The following PPM1L variants were observed in gnomAD, a reference collection of about 807,000 sequenced individuals.
PPM1L encodes the protein protein phosphatase, Mg2+/Mn2+ dependent 1L.
Under a neutral mutation model 31.4 loss-of-function variants are expected in PPM1L, and 13 were observed. The observed-to-expected ratio is 0.41, with a 90% CI of 0.27 to 0.66. The LOEUF is 0.66. Ranked by LOEUF, PPM1L falls within the 30% of genes least tolerant of loss-of-function variation. PPM1L has a pLI of 0.29. For synonymous variants in PPM1L, 184 were observed against 175.4 expected, an observed-to-expected ratio of 1.05 and a Z score of -0.39; for missense variants, 326 against 453.7, an observed-to-expected ratio of 0.72 and a Z score of 2.56.
intron 1 of PPM1L, among the ~76,000 whole-genome samples, chr3:160,904,359 A>G (rs375354545): frequency 3.2e-4 from 48 of 152,320 alleles, no homozygotes; most frequent in African/African-American, 1.1e-3. Flanking sequence ...ACTGTAAAAT[A>G]TTACTTAGTA....
chr3:160,885,135 C>T (rs1387558761), intron 1 of PPM1L, among the ~76,000 whole-genome samples: 1 of 152,180 alleles, frequency 6.6e-6, no homozygotes, highest in Non-Finnish European at 1.5e-5. Context: ...CTCCCTATCT[C>T]CACCCCTTCA....
At chr3:160,996,060 A>G (rs1323903663) in intron 2 of PPM1L, among the ~76,000 whole-genome samples, 1 of 152,216 alleles carries the variant, frequency 6.6e-6, no homozygotes, top group African/African-American at 2.4e-5. Context: ...AGTAGTGATC[A>G]GGGAAATGCA....
intron 2 of PPM1L, among the ~76,000 whole-genome samples, chr3:161,009,507 G>T (rs976940008): frequency 6.6e-6 from 1 of 152,130 alleles, no homozygotes; most frequent in Non-Finnish European, 1.5e-5. Flanking sequence ...AAGAATCCCA[G>T]TCATACTATA....
At chr3:160,988,775 T>C (rs1310678937) in intron 2 of PPM1L, among the ~76,000 whole-genome samples, 5 of 152,204 alleles carry the variant, frequency 3.3e-5, no homozygotes, top group Admixed American at 2.6e-4. Context: ...ACTTAAGCTC[T>C]GCTAACCTGC....
intron 1 of PPM1L, among the ~76,000 whole-genome samples, chr3:160,793,895 T>C (rs963657522): frequency 6.6e-6 from 1 of 152,180 alleles, no homozygotes; most frequent in African/African-American, 2.4e-5. Flanking sequence ...TGAATCCTGA[T>C]TGGTTGATAC....
At chr3:160,955,776 G>A (rs935101953) in intron 1 of PPM1L, among the ~76,000 whole-genome samples, 11 of 150,510 alleles carry the variant, frequency 7.3e-5, no homozygotes, top group Admixed American at 3.3e-4. Context: ...TCAGCCTCCC[G>A]AGTAGCTGGG....
In PPM1L at chr3:161,077,568, A is replaced by C. The variant is rs1166240192; in HGVS notation, c.*8411A>C. 5 of 152,242 alleles carry C rather than the reference A, an allele frequency of 3.3e-5. No individual in the cohort carries two copies. In the East Asian group the frequency reaches 5.8e-4, roughly 18 times the overall value. 9.4% of individuals were successfully genotyped at this position (152,242 alleles called of 1,614,324 possible). A position where few individuals can be genotyped will look rare whatever the true frequency, so the allele number is the denominator to read the frequency against. On this transcript the variant is annotated 3_prime_UTR_variant, in exon 4 of 4. Transcript: ENST00000498165. ...TTGTTCCCAAGAGACTAGTGTAATAACCTTATGCCCCCAAAGACAGCCCAG... is the reference window on the plus strand; with the variant it reads ...TTGTTCCCAAGAGACTAGTGTAATACCCTTATGCCCCCAAAGACAGCCCAG...
At chr3:161,038,822 C>T (rs978652529) in intron 2 of PPM1L, among the ~76,000 whole-genome samples, 3 of 152,094 alleles carry the variant, frequency 2.0e-5, no homozygotes, top group Non-Finnish European at 4.4e-5. Context: ...TGAAATCTAC[C>T]GGGCTGCATT....
rs61435486 is a variant in PPM1L at position 160,980,707 on chromosome 3, A to AGAG, written c.574+18797_574+18798insGAG. ...AAGAAGGAAAGAGAGAAAGAGAGAGAAAAAAAAAGAGAGAGAGAGAGAGAA... is the reference window on the plus strand; with the variant it reads ...AAGAAGGAAAGAGAGAAAGAGAGAGAGAGAAAAAAAAGAGAGAGAGAGAGAGAA... On this transcript the variant is annotated intron_variant, in intron 2 of 3. Transcript: ENST00000498165. 1.9e-3 allele frequency among the ~76,000 whole-genome samples: 230 copies of AGAG among 121,344 alleles called. 2 individuals carry two copies. The highest frequency in any genetic ancestry group is 3.5e-3 in the Non-Finnish European group (174 of 49,672). 79.6% of individuals were successfully genotyped at this position (121,344 alleles called of 152,430 possible).
chr3:160,895,317 A>G (rs536131839), intron 1 of PPM1L, among the ~76,000 whole-genome samples: 9 of 152,232 alleles, frequency 5.9e-5, no homozygotes, highest in Non-Finnish European at 1.3e-4. Flanking sequence ...GGCTCAAGCA[A>G]TCCTCCCACC....
chr3:160,833,261 T>C (rs1576660118), intron 1 of PPM1L, among the ~76,000 whole-genome samples: 1 of 152,216 alleles, frequency 6.6e-6, no homozygotes, highest in African/African-American at 2.4e-5. Flanking sequence ...ATAGAATGAT[T>C]TAAATTCCTT....
At chr3:161,022,827 C>A (rs1718274174) in intron 2 of PPM1L, among the ~76,000 whole-genome samples, 1 of 151,960 alleles carries the variant, frequency 6.6e-6, no homozygotes, top group Non-Finnish European at 1.5e-5. Context: ...CCATGACCAG[C>A]TAATTTTTTT....
Position 160,831,797 on chromosome 3 carries a change from A to G in PPM1L, c.399+75090A>G, listed in dbSNP as rs549795374. Reference sequence around the variant, plus strand: ...ACCTGTGTTATCTTAAGGAATCTTCAGCTCTCTGAGATTTGGTTTTCTCAT... The same window carrying G: ...ACCTGTGTTATCTTAAGGAATCTTCGGCTCTCTGAGATTTGGTTTTCTCAT... On this transcript the variant is annotated intron_variant, in intron 1 of 3. Coordinates refer to ENST00000498165, the MANE Select transcript of PPM1L (RefSeq NM_139245.4). Among the ~76,000 whole-genome samples the G allele has an allele frequency of 6.6e-5, 10 of 152,156 alleles. No homozygotes were observed. The East Asian group carries it at 1.9e-3, about 29-fold the overall frequency.
At chr3:160,916,696 C>A (rs535830990) in intron 1 of PPM1L, among the ~76,000 whole-genome samples, 2 of 151,526 alleles carry the variant, frequency 1.3e-5, no homozygotes, top group Admixed American at 6.6e-5. Flanking sequence ...TTTTTTCTGG[C>A]AACTCCTTTG....
chr3:160,853,211 A>G (rs1353610901), intron 1 of PPM1L, among the ~76,000 whole-genome samples: 2 of 152,134 alleles, frequency 1.3e-5, no homozygotes, highest in African/African-American at 4.8e-5. Flanking sequence ...TCTTTTTGGC[A>G]GTGGGAGGGA....
At chr3:160,942,284 G>A (rs183909877) in intron 1 of PPM1L, among the ~76,000 whole-genome samples, 1 of 152,006 alleles carries the variant, frequency 6.6e-6, no homozygotes, top group Admixed American at 6.6e-5. Flanking sequence ...TGTAGAGATG[G>A]GAGTCTTGCT....
rs376104058 is a variant in PPM1L at position 160,830,591 on chromosome 3, AAAATCTGAGGATTTTC to A, written c.399+73887_399+73902del. On this transcript the variant is annotated intron_variant, in intron 1 of 3. Coordinates refer to ENST00000498165, the MANE Select transcript of PPM1L (RefSeq NM_139245.4). Reference sequence around the variant, plus strand: ...AATCATAGTTATGCTTTGTTGCTCTAAAATCTGAGGATTTTCAATTTTTTGGCAAATTTTATGGTTT... The same window carrying A: ...AATCATAGTTATGCTTTGTTGCTCTAAATTTTTTGGCAAATTTTATGGTTT... 2.8e-4 allele frequency among the ~76,000 whole-genome samples: 42 copies of A among 152,330 alleles called. No individual in the cohort carries two copies. The East Asian group carries it at 8.1e-3, about 29-fold the overall frequency.
chr3:161,007,522 T>C (rs1717753388), intron 2 of PPM1L, among the ~76,000 whole-genome samples: 2 of 152,200 alleles, frequency 1.3e-5, no homozygotes, highest in South Asian at 4.1e-4. Flanking sequence ...TGCTAACTTT[T>C]TGGGTCATTA....
intron 1 of PPM1L, among the ~76,000 whole-genome samples, chr3:160,781,220 A>G (rs1711739742): frequency 6.6e-6 from 1 of 152,214 alleles, no homozygotes; most frequent in Admixed American, 6.5e-5. Flanking sequence ...TTTTAGTGAT[A>G]GAGCGACTCA....
Sources: gnomAD v4.1 joint callset for allele counts (sites outside exome capture counted in the v4.1 genomes callset) on GRCh38, gnomAD v4.1.1 for gene constraint, MANE v1.5 for transcripts, NCBI Gene and HGNC (gene_info 2026-07-23, HGNC 2026-07-21) for gene names.